The following MSTO1 variants were observed in gnomAD, a reference collection of about 807,000 sequenced individuals.
MSTO1 encodes the protein protein misato homolog 1.
Under a neutral mutation model 55.7 loss-of-function variants are expected in MSTO1, and 24 were observed. The ratio of observed to expected loss-of-function variants is 0.43; its 90% CI spans 0.31 to 0.61. MSTO1 has a LOEUF of 0.61. MSTO1 is among the 20% of genes least tolerant of loss of function. The pLI, the probability that MSTO1 is intolerant of heterozygous loss-of-function variation, is 0.09. For missense variants in MSTO1, 363 were observed against 625.7 expected (o/e 0.58, Z 4.48); for synonymous variants, 162 against 252.8 (o/e 0.64, Z 3.41).
upstream of MSTO1, among the ~76,000 whole-genome samples, chr1:155,608,265 G>T (rs1427692523): frequency 5.9e-5 from 9 of 152,176 alleles, no homozygotes; most frequent in African/African-American, 2.2e-4. Context: ...CTGCGCTGAA[G>T]CGATCCTCTC....
chr1:155,608,534 C>G (rs1451347509), upstream of MSTO1, among the ~76,000 whole-genome samples: 1 of 137,896 alleles, frequency 7.3e-6, no homozygotes, highest in Non-Finnish European at 1.5e-5. Flanking sequence ...GAGTCTGGCT[C>G]TGTTGCCCAA....
the MSTO1 span, chr1:155,586,817 G>A: frequency 1.0e-5 from 3 of 287,072 alleles, no homozygotes; most frequent in South Asian, 3.3e-5. Flanking sequence ...GCGCAATCTC[G>A]GCTTGCTGCA....
At chr1:155,577,104 T>G in the MSTO1 span, among the ~76,000 whole-genome samples, 35 of 151,394 alleles carry the variant, frequency 2.3e-4, 2 homozygotes, top group East Asian at 4.1e-3. Context: ...TTGTTTGTTT[T>G]TTGAGATGGA....
At chr1:155,573,935 A>T in the MSTO1 span, among the ~76,000 whole-genome samples, 2 of 152,000 alleles carry the variant, frequency 1.3e-5, no homozygotes, top group Non-Finnish European at 2.9e-5. Context: ...AATGAGATCG[A>T]TGTGGATATA....
the MSTO1 span, chr1:155,590,599 T>C: frequency 3.8e-6 from 5 of 1,303,690 alleles, no homozygotes; most frequent in Non-Finnish European, 3.2e-6. Context: ...TTCACTTCCA[T>C]GTCAGACGTA....
upstream of MSTO1, among the ~76,000 whole-genome samples, chr1:155,609,239 A>G (rs2363776): frequency 3.7e-5 from 1 of 27,250 alleles, no homozygotes; most frequent in African/African-American, 9.7e-5. Flanking sequence ...ATATATATAT[A>G]TATATTTTTT....
chr1:155,578,671 C>T, the MSTO1 span, among the ~76,000 whole-genome samples: 4 of 151,278 alleles, frequency 2.6e-5, no homozygotes, highest in South Asian at 2.1e-4. Flanking sequence ...CCACCGCGCC[C>T]GGCTAATTTT....
rs1289202883 is a variant in MSTO1, at chr1:155,613,578, G to A, written c.1388+12G>A. 10 of 1,601,638 alleles carry A rather than the reference G, an allele frequency of 6.2e-6. No homozygotes were observed. In the East Asian group the frequency reaches 1.6e-4, roughly 25 times the overall value. The stretch of plus-strand genomic sequence containing the variant: ...CCTGGAGTCATGAGGTCAGTGTAAC[G>A]GTTGCTCCTGCCCTTCTTGCCAACC... On this transcript the variant is annotated intron_variant, in intron 12 of 13. Transcript: ENST00000245564.
chr1:155,577,010 C>G, the MSTO1 span, among the ~76,000 whole-genome samples: 5 of 107,478 alleles, frequency 4.7e-5, no homozygotes, highest in African/African-American at 1.9e-4. Context: ...AGCAAAACTC[C>G]GTCTCAAAAA....
the MSTO1 span, among the ~76,000 whole-genome samples, chr1:155,583,865 T>C: frequency 6.6e-6 from 1 of 152,048 alleles, no homozygotes; most frequent in South Asian, 2.1e-4. Flanking sequence ...ATTGAGAAGA[T>C]CTGGGGAGCA....
chr1:155,590,688 GC>G, the MSTO1 span: 1 of 1,505,042 alleles, frequency 6.6e-7, no homozygotes, highest in Non-Finnish European at 9.0e-7. Flanking sequence ...AATGGCTGGG[GC>G]CCCGTGACCC....
chr1:155,592,087 A>G, the MSTO1 span, among the ~76,000 whole-genome samples: 7 of 152,224 alleles, frequency 4.6e-5, no homozygotes, highest in Admixed American at 3.3e-4. Context: ...GCGTTTAAGT[A>G]GTACTAGTGT....
At chr1:155,593,113 C>T in the MSTO1 span, among the ~76,000 whole-genome samples, 1 of 151,962 alleles carries the variant, frequency 6.6e-6, no homozygotes, top group African/African-American at 2.4e-5. Context: ...AGAGTTTCAC[C>T]ATTTAGGCCA....
At chr1:155,608,531 G>C (rs1384586161), upstream of MSTO1, among the ~76,000 whole-genome samples, 1 of 146,768 alleles carries the variant, frequency 6.8e-6, no homozygotes. Context: ...ATGGAGTCTG[G>C]CTCTGTTGCC....
chr1:155,584,517 C>A, the MSTO1 span, among the ~76,000 whole-genome samples: 1 of 151,016 alleles, frequency 6.6e-6, no homozygotes, highest in Admixed American at 6.6e-5. Context: ...AAAATAATTT[C>A]TTTTTTTAAT....
the MSTO1 span, among the ~76,000 whole-genome samples, chr1:155,600,556 C>CTTTCTTTTTTTTTT: frequency 6.7e-6 from 1 of 149,890 alleles, no homozygotes; most frequent in African/African-American, 2.5e-5. Context: ...TTTTTTCTTT[C>CTTTCTTTTTTTTTT]TTTTTTTTTG....
upstream of MSTO1, among the ~76,000 whole-genome samples, chr1:155,606,170 A>T (rs371969981): frequency 3.7e-5 from 5 of 133,566 alleles, no homozygotes; most frequent in East Asian, 9.5e-4. Flanking sequence ...AGTAGCTGGG[A>T]CTACAGGCAC....
upstream of MSTO1, among the ~76,000 whole-genome samples, chr1:155,608,665 G>C (rs1335326729): frequency 6.6e-6 from 1 of 151,730 alleles, no homozygotes; most frequent in Non-Finnish European, 1.5e-5. Context: ...ACCACGCCCG[G>C]CTAATTGTTA....
the MSTO1 span, among the ~76,000 whole-genome samples, chr1:155,575,682 A>G: frequency 6.6e-6 from 1 of 151,230 alleles, no homozygotes; most frequent in East Asian, 2.0e-4. Context: ...GGGCATAAGC[A>G]ATCCTTCTGC....
Sources: allele counts gnomAD v4.1 joint callset (sites outside exome capture counted in the v4.1 genomes callset), GRCh38; gene constraint gnomAD v4.1.1; transcripts MANE v1.5; gene names NCBI Gene and HGNC (gene_info 2026-07-23, HGNC 2026-07-21).